The following DNAH17 variants were observed in gnomAD, a reference collection of about 807,000 sequenced individuals.
DNAH17 encodes the protein dynein axonemal heavy chain 17.
DNAH17 carries 376 observed loss-of-function variants against 485.6 expected under a neutral mutation model. That is an observed-to-expected ratio of 0.77 (90% CI 0.71 to 0.84). DNAH17 has a LOEUF of 0.84. Among genes scored for constraint, DNAH17 ranks in the 40% least tolerant of loss-of-function variants. DNAH17 has a pLI of 0.00. For synonymous variants in DNAH17, 3,031 were observed against 2,405.9 expected, an observed-to-expected ratio of 1.26 and a Z score of -7.60; for missense variants, 6,370 against 5,839.3, an observed-to-expected ratio of 1.09 and a Z score of -2.96.
At chr17:78,447,156 G>T (rs965195406) in intron 69 of DNAH17, among the ~76,000 whole-genome samples, 3 of 152,064 alleles carry the variant, frequency 2.0e-5, no homozygotes, top group African/African-American at 7.2e-5. Context: ...GTCTCAAACC[G>T]CCTCAAGTGA....
chr17:78,461,500 G>A (rs1279004742), intron 58 of DNAH17, 44 bp downstream of exon 58: 1 of 1,507,578 alleles, frequency 6.6e-7, no homozygotes, highest in African/African-American at 1.4e-5. Context: ...GGCCTGGCCA[G>A]TGCAGCAGCC....
At position 78,480,759 on chromosome 17, in the gene DNAH17, T is replaced by C; in HGVS notation, c.7677A>G (p.Lys2559=). ...HWYDRHKLTL[K]DIHNCQYVAC... is the part of the protein sequence containing the mutation. ...CCACGTACTGACAATTATGGATATC[T>C]TTTAACGTCAGCTTATGTCTGTCAT... The change falls in exon 49 of 81, where the codon AAA becomes AAG. Residue 2559 remains lysine (K), a synonymous_variant. Coordinates refer to ENST00000389840, the MANE Select transcript of DNAH17 (RefSeq NM_173628.4). The C allele has an allele frequency of 6.2e-7, 1 of 1,613,680 alleles. No individual in the cohort carries two copies. Among genetic ancestry groups the C allele is most frequent in the Non-Finnish European group, 8.5e-7 (1 of 1,179,776 alleles).
At position 78,490,787 on chromosome 17, in the gene DNAH17, C is replaced by T. The variant is rs770856995; in HGVS notation, c.6730G>A (p.Glu2244Lys). 11 of 1,604,032 alleles carry T rather than the reference C, an allele frequency of 6.9e-6. No homozygotes were observed. Among genetic ancestry groups the T allele is most frequent in the East Asian group, 2.3e-5 (1 of 44,396 alleles). Residue 2244 changes from glutamate to lysine, a missense_variant, in exon 44 of 81, where the codon GAA becomes AAA. Glu to Lys is a moderately conservative substitution (Grantham distance 56). Coordinates refer to ENST00000389840, the MANE Select transcript of DNAH17 (RefSeq NM_173628.4). ...GTGGCCGTCCTCAGGTGGCTGATTT[C>T]GAACACCAGCCTCATGGTGCGGTTC... ...PLNRTMRLVF[E>K]ISHLRTATPA...
chr17:78,537,322 C>G lies in DNAH17; in HGVS notation c.2836G>C (p.Ala946Pro), dbSNP rs765248577. 6.3e-7 allele frequency: 1 copy of G among 1,577,562 alleles called. No homozygotes were observed. ...ACCTTGTAGTTCATCCTGTCCTTGGCCAGCCGAGGGATGAGCCTGGCTACG... is the reference window on the plus strand; with the variant it reads ...ACCTTGTAGTTCATCCTGTCCTTGGGCAGCCGAGGGATGAGCCTGGCTACG... ...YNVARLIPRL[A>P]KDRMNYKMDL... Residue 946 changes from alanine (A) to proline (P), a missense_variant, in exon 19 of 81, where the codon GCC (alanine) becomes CCC (proline). Ala to Pro is a conservative substitution (Grantham distance 27, BLOSUM62 -1). Coordinates refer to ENST00000389840, the MANE Select transcript of DNAH17 (RefSeq NM_173628.4).
At chr17:78,506,600 G>C in intron 30 of DNAH17, 120 bp downstream of exon 30, 1 of 1,446,412 alleles carries the variant, frequency 6.9e-7, no homozygotes, top group East Asian at 2.4e-5. Flanking sequence ...GGGCCTCCTG[G>C]AGATGATGGG....
intron 14 of DNAH17, among the ~76,000 whole-genome samples, chr17:78,556,816 G>A (rs1419557009): frequency 1.3e-5 from 2 of 152,162 alleles, no homozygotes; most frequent in East Asian, 1.9e-4. Flanking sequence ...TTGCCACTCA[G>A]CAATAAAATT....
In DNAH17 at chr17:78,428,530, C is replaced by T. The variant is rs1314415630; in HGVS notation, c.12583G>A (p.Glu4195Lys). 3 of 1,603,162 alleles carry T rather than the reference C, an allele frequency of 1.9e-6. No homozygotes were observed. The Admixed American group carries it at 5.2e-5, about 28-fold the overall frequency. Residue 4195 changes from glutamate to lysine, a missense_variant, in exon 77 of 81, where the codon GAG (glutamate) becomes AAG (lysine). Glu to Lys is a moderately conservative substitution (Grantham distance 56, BLOSUM62 1). Transcript: ENST00000389840. ...SGAGTGVSRE[E>K]KVKAVLDDIL... ...AGCAGTTTCAAAGATCCTGCCTTCT[C>T]CTCGCGGGACACTCCCGTGCCTGCC... is the stretch of plus-strand genomic sequence containing the variant.
intron 75 of DNAH17, among the ~76,000 whole-genome samples, chr17:78,430,892 T>C (rs1290961155): frequency 1.3e-5 from 2 of 151,268 alleles, no homozygotes; most frequent in Admixed American, 1.3e-4. Flanking sequence ...CATATGTATA[T>C]GTTTTTTAGA....
At chr17:78,542,619 G>A (rs2091627395) in intron 17 of DNAH17, among the ~76,000 whole-genome samples, 1 of 152,172 alleles carries the variant, frequency 6.6e-6, no homozygotes, top group Admixed American at 6.5e-5. Context: ...AAGCACCCAG[G>A]AATGCCAGTC....
chr17:78,502,496 A>C, intron 33 of DNAH17, 95 bp downstream of exon 33: 1 of 1,197,688 alleles, frequency 8.3e-7, no homozygotes, highest in Non-Finnish European at 1.1e-6. Context: ...CGCTCCAGGT[A>C]CTCGCCCGGC....
At chr17:78,436,912 C>T (rs2086867486) in intron 74 of DNAH17, among the ~76,000 whole-genome samples, 1 of 152,114 alleles carries the variant, frequency 6.6e-6, no homozygotes, top group Non-Finnish European at 1.5e-5. Context: ...GAGAAGGCTG[C>T]ATCTGGGGGA....
At chr17:78,572,483 G>T (rs573396346) in intron 3 of DNAH17, among the ~76,000 whole-genome samples, 1 of 152,092 alleles carries the variant, frequency 6.6e-6, no homozygotes, top group South Asian at 2.1e-4. Context: ...AGCCCCAGGG[G>T]CTGCAGAGCC....
chr17:78,546,912 A>ACTCCATCTCAAG (rs1555691076), intron 16 of DNAH17, among the ~76,000 whole-genome samples: 5 of 7,744 alleles, frequency 6.5e-4, no homozygotes, highest in Non-Finnish European at 1.3e-3. Flanking sequence ...CTCAAGAAAG[A>ACTCCATCTCAAG]AAAAAAAAAA....
intron 17 of DNAH17, 95 bp downstream of exon 17, chr17:78,543,762 T>C (rs891392396): frequency 6.4e-7 from 1 of 1,563,854 alleles, no homozygotes; most frequent in Non-Finnish European, 8.8e-7. Context: ...AATGTGTCAC[T>C]AATCATTTTT....
chr17:78,476,386 G>T (rs1220287959), intron 52 of DNAH17, among the ~76,000 whole-genome samples, 186 bp downstream of exon 52: 1 of 151,796 alleles, frequency 6.6e-6, no homozygotes, highest in South Asian at 2.1e-4. Flanking sequence ...CCACGTGCCG[G>T]AGTTATCGCG....
intron 57 of DNAH17, 105 bp from the exon 58 acceptor site, chr17:78,461,813 AG>A: frequency 8.6e-7 from 1 of 1,163,988 alleles, no homozygotes; most frequent in Non-Finnish European, 1.2e-6. Context: ...GCAGAACGGC[AG>A]GGCCGTGTCT....
At chr17:78,493,041 G>C (rs991270403) in intron 41 of DNAH17, 1 of 268,344 alleles carries the variant, frequency 3.7e-6, no homozygotes, top group African/African-American at 2.3e-5. Flanking sequence ...AGTAGAGACA[G>C]GGTTTCACCA....
chr17:78,502,751 C>T, intron 32 of DNAH17, 53 bp from the exon 33 acceptor site: 1 of 1,598,314 alleles, frequency 6.3e-7, no homozygotes, highest in Non-Finnish European at 8.5e-7. Flanking sequence ...CTGGCGCCTG[C>T]TAACGCAGAC....
intron 68 of DNAH17, 147 bp from the exon 69 acceptor site, chr17:78,449,731 G>GC: frequency 1.3e-6 from 1 of 775,856 alleles, no homozygotes; most frequent in African/African-American, 1.7e-5. Flanking sequence ...AGGCTGGAGT[G>GC]CAGTGGCGTG....
Sources: allele counts gnomAD v4.1 joint callset (sites outside exome capture counted in the v4.1 genomes callset), GRCh38; gene constraint gnomAD v4.1.1; transcripts MANE v1.5; gene names NCBI Gene and HGNC (gene_info 2026-07-23, HGNC 2026-07-21).